Variants in DLEC1 observed in about 807,000 individuals in gnomAD.
DLEC1 encodes DLEC1 cilia and flagella associated protein.
DLEC1 carries 146 observed loss-of-function variants against 198.1 expected under a neutral mutation model. That is an observed-to-expected ratio of 0.74 (90% CI 0.64 to 0.85). The LOEUF (loss-of-function observed/expected upper bound fraction) is 0.85. Among genes scored for constraint, DLEC1 ranks in the 40% least tolerant of loss-of-function variants. DLEC1 has a pLI of 0.00. For missense variants in DLEC1, 2,233 were observed against 2,220.0 expected (o/e 1.01, Z -0.12); for synonymous variants, 897 against 866.8 (o/e 1.03, Z -0.61).
In DLEC1 at chr3:38,122,098, T is replaced by C. The variant is rs377538718; in HGVS notation, c.5048T>C (p.Val1683Ala). The change falls in exon 36 of 37, where the codon GTG (valine) becomes GCG (alanine). Residue 1683 changes from valine to alanine, a missense_variant. By Grantham distance (64) the Val-to-Ala change is moderately conservative. Transcript: ENST00000308059. The stretch of plus-strand genomic sequence containing the variant: ...CAGCAGGAGCCAGCCAAGGCCGCTG[T>C]GGCCTTCAGGGTCTCCCCAAACAGT... The part of the protein sequence containing the change: ...MGQQEPAKAA[V>A]AFRVSPNSGL... The C allele has an allele frequency of 4.3e-6, 7 of 1,613,998 alleles. No individual in the cohort carries two copies. Among genetic ancestry groups the C allele is most frequent in the Non-Finnish European group, 5.9e-6 (7 of 1,179,986 alleles).
At chr3:38,102,946 A>G (rs1356975173) in intron 19 of DLEC1, among the ~76,000 whole-genome samples, 1 of 152,182 alleles carries the variant, frequency 6.6e-6, no homozygotes. Context: ...AGTGGGGGCA[A>G]ATACTGTGGC....
chr3:38,090,745 G>T (rs1405838903), intron 10 of DLEC1, among the ~76,000 whole-genome samples: 1 of 152,064 alleles, frequency 6.6e-6, no homozygotes, highest in Non-Finnish European at 1.5e-5. Flanking sequence ...AGTATGTAAG[G>T]GTGTCTGTTT....
At chr3:38,064,569 C>A (rs1017376208) in intron 6 of DLEC1, among the ~76,000 whole-genome samples, 1 of 152,038 alleles carries the variant, frequency 6.6e-6, no homozygotes, top group Non-Finnish European at 1.5e-5. Flanking sequence ...GGGCTCCTCA[C>A]TTCCCGGACG....
intron 10 of DLEC1, among the ~76,000 whole-genome samples, chr3:38,092,359 T>C (rs1698785598): frequency 6.6e-6 from 1 of 152,088 alleles, no homozygotes; most frequent in Non-Finnish European, 1.5e-5. Flanking sequence ...AAGCAGAGAA[T>C]AGAATGGTGA....
At chr3:38,068,663 A>G (rs955429338) in intron 6 of DLEC1, among the ~76,000 whole-genome samples, 6 of 152,250 alleles carry the variant, frequency 3.9e-5, no homozygotes, top group African/African-American at 1.4e-4. Flanking sequence ...AGAAAGCTCT[A>G]GGAGAGGTTG....
At position 38,122,277 on chromosome 3, in the gene DLEC1, T is replaced by C; in HGVS notation, c.5145-12T>C. ...GTGCCTCCTAACCTCAGCCCCCACA[T>C]GCTCCCCACAGGAGTAGTGAGCTGT... On this transcript the variant is annotated splice_polypyrimidine_tract_variant and intron_variant, in intron 36 of 36. Transcript: ENST00000308059. The C allele has an allele frequency of 6.2e-7, 1 of 1,608,578 alleles. No individual in the cohort carries two copies. The highest frequency in any genetic ancestry group is 8.5e-7 in the Non-Finnish European group (1 of 1,175,958).
In DLEC1 at chr3:38,093,533, G is replaced by T. The variant is rs559309094; in HGVS notation, c.1757-72G>T. 4.4e-6 allele frequency: 7 copies of T among 1,573,678 alleles called. No homozygotes were observed. The East Asian group carries it at 1.6e-4, about 35-fold the overall frequency. Reference sequence around the variant, plus strand: ...CAGCTGCATGTGGATGGCGGCATGGGTCCTGCAGCAGCCTTGGCCTGATTT... The same window carrying T: ...CAGCTGCATGTGGATGGCGGCATGGTTCCTGCAGCAGCCTTGGCCTGATTT... On this transcript the variant is annotated intron_variant, in intron 11 of 36. Transcript: ENST00000308059.
At chr3:38,096,015 G>A in intron 14 of DLEC1, 69 bp downstream of exon 14, 2 of 1,590,212 alleles carry the variant, frequency 1.3e-6, no homozygotes, top group South Asian at 1.1e-5. Flanking sequence ...GGTTCTCCTG[G>A]GGAAGGTATC....
intron 1 of DLEC1, among the ~76,000 whole-genome samples, chr3:38,040,202 C>G (rs956223451): frequency 3.3e-5 from 5 of 152,214 alleles, no homozygotes; most frequent in Admixed American, 3.3e-4. Context: ...ATCCTTTACC[C>G]CGGTGTGCTT....
At chr3:38,099,184 C>G (rs866052867) in intron 18 of DLEC1, among the ~76,000 whole-genome samples, 9 of 152,334 alleles carry the variant, frequency 5.9e-5, no homozygotes, top group Middle Eastern at 6.8e-3. Flanking sequence ...TTCCAGTCCC[C>G]TGCACTTCTA....
In DLEC1 at chr3:38,122,082, C is replaced by T; in HGVS notation, c.5032C>T (p.Pro1678Ser). 6.2e-7 allele frequency: 1 copy of T among 1,613,976 alleles called. No individual in the cohort carries two copies. Among genetic ancestry groups the T allele is most frequent in the Non-Finnish European group, 8.5e-7 (1 of 1,179,916 alleles). The stretch of plus-strand genomic sequence containing the variant: ...TCCCTTTGGTGCAGGCCAGCAGGAG[C>T]CAGCCAAGGCCGCTGTGGCCTTCAG... ...YWTMLMGQQE[P>S]AKAAVAFRVS... The change falls in exon 36 of 37, where the codon CCA (proline) becomes TCA (serine). Residue 1678 changes from proline to serine, a missense_variant. By Grantham distance (74) the Pro-to-Ser change is moderately conservative. Coordinates refer to ENST00000308059, the MANE Select transcript of DLEC1 (RefSeq NM_007335.4).
intron 18 of DLEC1, 146 bp from the exon 19 acceptor site, chr3:38,100,140 C>G: frequency 1.0e-6 from 1 of 972,644 alleles, no homozygotes; most frequent in South Asian, 1.9e-5. Flanking sequence ...GGTCCCCCAC[C>G]TGCTTGCCTG....
intron 6 of DLEC1, among the ~76,000 whole-genome samples, chr3:38,070,777 G>A (rs1397826602): frequency 1.3e-5 from 2 of 152,150 alleles, no homozygotes; most frequent in Non-Finnish European, 2.9e-5. Flanking sequence ...GGCAAGGACC[G>A]GCCATTTTCA....
rs202210 is a variant in DLEC1 at position 38,117,226 on chromosome 3, G to A, written c.4324G>A (p.Gly1442Arg). The A allele has an allele frequency of 1.2e-6, 2 of 1,614,146 alleles. No homozygotes were observed. Among genetic ancestry groups the A allele is most frequent in the Non-Finnish European group, 8.5e-7 (1 of 1,179,990 alleles). ...TCAGTAGGTGGAAAGGGAGATTCCA[G>A]GGAAGAGGCATCGCCTGCAGGACTT... Reference protein sequence around the residue: ...LDSKVEREIPGKRHRLQDFAV... With the variant: ...LDSKVEREIPRKRHRLQDFAV... The change falls in exon 31 of 37, where the codon GGG (glycine) becomes AGG (arginine). Residue 1442 changes from glycine (G) to arginine (R), a missense_variant. By Grantham distance (125) the Gly-to-Arg change is moderately radical (BLOSUM62 -2). Transcript: ENST00000308059.
At chr3:38,063,624 G>C (rs925847890) in intron 5 of DLEC1, among the ~76,000 whole-genome samples, 1 of 152,170 alleles carries the variant, frequency 6.6e-6, no homozygotes, top group Admixed American at 6.5e-5. Flanking sequence ...AATGAAATAT[G>C]TAGCTACTTA....
chr3:38,103,264 A>T (rs1439879376), intron 19 of DLEC1: 1 of 152,162 alleles, frequency 6.6e-6, no homozygotes, highest in Non-Finnish European at 1.5e-5. Flanking sequence ...GGGGCAGCCC[A>T]CTCTTCCATG....
At chr3:38,044,148 A>T (rs1297617942) in intron 1 of DLEC1, among the ~76,000 whole-genome samples, 1 of 152,140 alleles carries the variant, frequency 6.6e-6, no homozygotes, top group Non-Finnish European at 1.5e-5. Flanking sequence ...TTGGAGGCTG[A>T]GGCAGGAGGA....
At chr3:38,041,656 G>A (rs908824037) in intron 1 of DLEC1, among the ~76,000 whole-genome samples, 1 of 151,668 alleles carries the variant, frequency 6.6e-6, no homozygotes, top group Non-Finnish European at 1.5e-5. Context: ...AGTCCAGTCT[G>A]ACCAACATAG....
chr3:38,081,284 A>G (rs1376125578), intron 6 of DLEC1, among the ~76,000 whole-genome samples: 2 of 139,894 alleles, frequency 1.4e-5, no homozygotes, highest in Non-Finnish European at 3.1e-5. Flanking sequence ...TTTCTATTCC[A>G]CAAAGCAGCC....
Sources: allele counts gnomAD v4.1 joint callset (sites outside exome capture counted in the v4.1 genomes callset), GRCh38; gene constraint gnomAD v4.1.1; transcripts MANE v1.5; gene names NCBI Gene and HGNC (gene_info 2026-07-23, HGNC 2026-07-21).